Variants in PTPRB observed in about 807,000 individuals in gnomAD.
The protein encoded by PTPRB is receptor-type tyrosine-protein phosphatase beta.
Under a neutral mutation model 238.1 loss-of-function variants are expected in PTPRB, and 97 were observed. That is an observed-to-expected ratio of 0.41 (90% CI 0.35 to 0.48). The LOEUF is 0.48. Among genes scored for constraint, PTPRB ranks in the 20% least tolerant of loss-of-function variants. PTPRB has a pLI of 0.30. For missense variants in PTPRB, 2,292 were observed against 2,681.9 expected (o/e 0.85, Z 3.21); for synonymous variants, 970 against 995.4 (o/e 0.97, Z 0.48).
rs148617792 is a variant in PTPRB at position 70,530,256 on chromosome 12, A to T, written c.6504+1779T>A. Among the ~76,000 whole-genome samples, 248 of 152,316 alleles carry T rather than the reference A, an allele frequency of 1.6e-3. 1 individual carries two copies. The highest frequency in any genetic ancestry group is 5.7e-3 in the African/African-American group (238 of 41,572). Reference sequence around the variant, plus strand: ...TGGATATTAGGTGAGATTTAGGAATAACGGTTAAGAAAGACATAGATGTGA... The same window carrying T: ...TGGATATTAGGTGAGATTTAGGAATTACGGTTAAGAAAGACATAGATGTGA... On this transcript the variant is annotated intron_variant, in intron 32 of 33. Coordinates refer to ENST00000334414, the MANE Select transcript of PTPRB (RefSeq NM_001109754.4).
At position 70,580,591 on chromosome 12, in the gene PTPRB, G is replaced by A. The variant is rs1881271194; in HGVS notation, c.2578+445C>T. On this transcript the variant is annotated intron_variant, in intron 10 of 33. Coordinates refer to ENST00000334414, the MANE Select transcript of PTPRB (RefSeq NM_001109754.4). Reference sequence around the variant, plus strand: ...TCCCAGAACTTTGGGAGGCCGAGGCGGGTGGATCACCTGAGGTCAGGAGTT... The same window carrying A: ...TCCCAGAACTTTGGGAGGCCGAGGCAGGTGGATCACCTGAGGTCAGGAGTT... 2.0e-5 allele frequency among the ~76,000 whole-genome samples: 3 copies of A among 152,062 alleles called. No individual in the cohort carries two copies. In the South Asian group the frequency reaches 6.2e-4, roughly 32 times the overall value.
intron 15 of PTPRB, 31 bp from the exon 16 acceptor site, chr12:70,563,138 G>A (rs752872002): frequency 6.3e-6 from 10 of 1,587,816 alleles, no homozygotes; most frequent in Non-Finnish European, 7.7e-6. Context: ...GAGAATGAGG[G>A]AGGGAAATGC....
chr12:70,572,256 A>G (rs1430135024), intron 11 of PTPRB, among the ~76,000 whole-genome samples, 169 bp from the exon 12 acceptor site: 1 of 152,226 alleles, frequency 6.6e-6, no homozygotes, highest in Non-Finnish European at 1.5e-5. Flanking sequence ...AGATTGTTAC[A>G]CTATGTGGAG....
intron 2 of PTPRB, among the ~76,000 whole-genome samples, chr12:70,624,206 CAAT>C (rs1490110830): frequency 6.6e-6 from 1 of 152,042 alleles, no homozygotes; most frequent in Non-Finnish European, 1.5e-5. Flanking sequence ...CCCACATATA[CAAT>C]AATACAAGGA....
At position 70,538,169 on chromosome 12, in the gene PTPRB, C is replaced by A; in HGVS notation, c.5932G>T (p.Ala1978Ser). ...DDDPCSDYIN[A>S]SYIPGNNFRR... ...GGGTCACTTACAGGGATGTAGCTGG[C>A]ATTGATGTAGTCAGAGCAAGGATCA... The change falls in exon 28 of 34, where the codon GCC (alanine) becomes TCC (serine). Residue 1978 changes from alanine to serine, a missense_variant. By Grantham distance (99) the Ala-to-Ser change is moderately conservative. Transcript: ENST00000334414. 2 of 1,613,500 alleles carry A rather than the reference C, an allele frequency of 1.2e-6. No individual in the cohort carries two copies. The highest frequency in any genetic ancestry group is 1.3e-5 in the African/African-American group (1 of 75,026).
intron 3 of PTPRB, among the ~76,000 whole-genome samples, chr12:70,611,149 G>A (rs558662636): frequency 7.9e-5 from 12 of 152,202 alleles, no homozygotes; most frequent in South Asian, 2.1e-4. Flanking sequence ...TCAAATCAGC[G>A]GGAAGGATGG....
At chr12:70,577,308 T>G (rs1880894064) in intron 10 of PTPRB, among the ~76,000 whole-genome samples, 1 of 152,138 alleles carries the variant, frequency 6.6e-6, no homozygotes, top group Non-Finnish European at 1.5e-5. Context: ...ATGGCGATAA[T>G]GGGTTTTCTG....
At chr12:70,522,797 C>T (rs1186430545) in intron 33 of PTPRB, among the ~76,000 whole-genome samples, 1 of 151,464 alleles carries the variant, frequency 6.6e-6, no homozygotes, top group Non-Finnish European at 1.5e-5. Context: ...TTTTGTTTTA[C>T]ATCCTGCTTT....
intron 26 of PTPRB, chr12:70,539,403 G>A: frequency 1.8e-6 from 1 of 570,974 alleles, no homozygotes; most frequent in Non-Finnish European, 3.1e-6. Context: ...GATCCAGGTA[G>A]CCCTTGGTTT....
intron 18 of PTPRB, chr12:70,559,077 C>G (rs536675348): frequency 1.7e-6 from 1 of 584,232 alleles, no homozygotes; most frequent in African/African-American, 1.9e-5. Context: ...CCATTTACTT[C>G]CCTCATCACA....
chr12:70,533,476 C>T (rs73142903), intron 31 of PTPRB, among the ~76,000 whole-genome samples: 16,512 of 150,102 alleles, frequency 0.11, 1,253 homozygotes, highest in South Asian at 0.21. Context: ...ATACCAGGCT[C>T]GCCAGAGAGA....
intron 18 of PTPRB, among the ~76,000 whole-genome samples, chr12:70,556,613 A>G (rs1877720551): frequency 6.6e-6 from 1 of 152,232 alleles, no homozygotes; most frequent in Non-Finnish European, 1.5e-5. Flanking sequence ...AAGAATGACT[A>G]AGAATTTCCC....
At chr12:70,572,624 C>T (rs541541564) in intron 11 of PTPRB, among the ~76,000 whole-genome samples, 30 of 151,858 alleles carry the variant, frequency 2.0e-4, no homozygotes, top group African/African-American at 5.1e-4. Flanking sequence ...CAAAAATTAG[C>T]TGGGCATGGT....
chr12:70,518,486 G>A lies in PTPRB; in HGVS notation c.*3003C>T, dbSNP rs1871361199. 1 of 152,160 alleles carries A rather than the reference G, an allele frequency of 6.6e-6. No individual in the cohort carries two copies. Among genetic ancestry groups the A allele is most frequent in the South Asian group, 2.1e-4 (1 of 4,836 alleles). 9.4% of individuals were successfully genotyped at this position (152,160 alleles called of 1,614,324 possible). ...ATGATGTGGAACCTGAAAGGACTAT[G>A]AAATTATACTCATGGGTATAAAAGA... On this transcript the variant is annotated 3_prime_UTR_variant, in exon 34 of 34. Coordinates refer to ENST00000334414, the MANE Select transcript of PTPRB (RefSeq NM_001109754.4).
rs916304969 is a variant in PTPRB at position 70,552,742 on chromosome 12, G to A, written c.5387+35C>T. ...AGCTGAGTGCTTAGTAATGTAGCATGTCCCTTCTAGCAAAACAGTGGTAAT... is the reference window on the plus strand; with the variant it reads ...AGCTGAGTGCTTAGTAATGTAGCATATCCCTTCTAGCAAAACAGTGGTAAT... On this transcript the variant is annotated intron_variant, in intron 21 of 33. Coordinates refer to ENST00000334414, the MANE Select transcript of PTPRB (RefSeq NM_001109754.4). 3 of 1,610,520 alleles carry A rather than the reference G, an allele frequency of 1.9e-6. No individual in the cohort carries two copies. In the African/African-American group the frequency reaches 4.0e-5, roughly 22 times the overall value.
At position 70,581,267 on chromosome 12, in the gene PTPRB, G is replaced by A. The variant is rs766435636; in HGVS notation, c.2347C>T (p.Gln783Ter). Residue 783 changes from glutamine (Q) to a stop codon, truncating the protein, a stop_gained, in exon 10 of 34, where the codon CAA becomes TAA. Transcript: ENST00000334414. LOFTEE classifies it high-confidence loss of function. ...GTAAACAGACTACTGGTCATTCCTT[G>A]GTTGGCCACATGCAAGTCAGTCACT... ...AQVTDLHVAN[Q>*]GMTSSLFTNW... 1.2e-6 allele frequency: 2 copies of A among 1,613,718 alleles called. No individual in the cohort carries two copies. Among genetic ancestry groups the A allele is most frequent in the Non-Finnish European group, 1.7e-6 (2 of 1,179,834 alleles).
chr12:70,534,948 C>G lies in PTPRB; in HGVS notation c.6089G>C (p.Cys2030Ser). ...TQCVEKGRVK[C>S]DHYWPADQDS... The stretch of plus-strand genomic sequence containing the variant: ...CTGGTCCGCTGGCCAGTAATGATCA[C>G]ACTTTACCTAGAACAGGACAGACAG... Residue 2030 changes from cysteine (C) to serine (S), a missense_variant, in exon 30 of 34, where the codon TGT (cysteine) becomes TCT (serine). Transcript: ENST00000334414. The G allele has an allele frequency of 6.2e-7, 1 of 1,613,486 alleles. No individual in the cohort carries two copies. Among genetic ancestry groups the G allele is most frequent in the Non-Finnish European group, 8.5e-7 (1 of 1,179,632 alleles).
At chr12:70,595,729 A>T (rs1882952523) in intron 5 of PTPRB, among the ~76,000 whole-genome samples, 1 of 152,178 alleles carries the variant, frequency 6.6e-6, no homozygotes, top group South Asian at 2.1e-4. Flanking sequence ...AAACTTAGAA[A>T]ATGGGGCAGA....
intron 20 of PTPRB, among the ~76,000 whole-genome samples, chr12:70,554,016 A>C (rs1057086191): frequency 7.2e-5 from 11 of 152,186 alleles, no homozygotes; most frequent in Non-Finnish European, 1.5e-4. Context: ...ATGTAGCAAA[A>C]CACTGTCTTC....
Sources: allele counts gnomAD v4.1 joint callset (sites outside exome capture counted in the v4.1 genomes callset), GRCh38; gene constraint gnomAD v4.1.1; transcripts MANE v1.5; gene names NCBI Gene and HGNC (gene_info 2026-07-23, HGNC 2026-07-21).